The following DNASE1 variants were observed in gnomAD, a reference collection of about 807,000 sequenced individuals.
DNASE1 encodes the protein deoxyribonuclease 1.
A neutral mutation model predicts 33.9 loss-of-function variants in DNASE1; 40 were observed. That is an observed-to-expected ratio of 1.18 (90% confidence interval 0.92 to 1.54). DNASE1 has a LOEUF of 1.54. Ranked by LOEUF, DNASE1 falls within the 40% of genes most tolerant of loss-of-function variation. The pLI is 0.00. For missense variants in DNASE1, 518 were observed against 372.6 expected (o/e 1.39, Z -3.21); for synonymous variants, 216 against 160.0 (o/e 1.35, Z -2.64).
chr16:3,647,202 C>T (rs1322229209), intron 1 of DNASE1, among the ~76,000 whole-genome samples: 1 of 151,058 alleles, frequency 6.6e-6, no homozygotes, highest in Non-Finnish European at 1.5e-5. Flanking sequence ...TGTTGGATCA[C>T]ATCTGGCAGT....
exon 10 of DNASE1, chr16:3,664,363 T>A: frequency 6.2e-7 from 1 of 1,612,938 alleles, no homozygotes; most frequent in East Asian, 2.2e-5. Context: ...ATGTTGCGGG[T>A]GCCGGCCCGC....
exon 1 of DNASE1, chr16:3,611,830 C>T (rs1294539320): frequency 1.3e-5 from 2 of 152,300 alleles, no homozygotes; most frequent in Non-Finnish European, 2.9e-5. Flanking sequence ...GAGTTTAAGG[C>T]ACTGTGGCAG....
intron 1 of DNASE1, among the ~76,000 whole-genome samples, chr16:3,622,885 A>G (rs1031040339): frequency 3.3e-5 from 5 of 152,224 alleles, no homozygotes; most frequent in Admixed American, 1.3e-4. Context: ...ATGCCTTGTA[A>G]TGAACAAAGG....
chr16:3,619,069 C>G (rs1442943352), intron 1 of DNASE1, among the ~76,000 whole-genome samples: 2 of 151,704 alleles, frequency 1.3e-5, no homozygotes, highest in East Asian at 3.9e-4. Flanking sequence ...GGGTTACACT[C>G]TATCATCCAG....
Position 3,615,237 on chromosome 16 carries a change from A to T in DNASE1, c.-1359+3231A>T, listed in dbSNP as rs138483720. Among the ~76,000 whole-genome samples, 103 of 152,288 alleles carry T rather than the reference A, an allele frequency of 6.8e-4. 1 individual carries two copies. The highest frequency in any genetic ancestry group is 2.5e-3 in the African/African-American group (102 of 41,562). ...AAACACTGTAGGCTAAGTATAAGAG[A>T]GATGGCAAGAGCTGGGTCAGGGTGG... On this transcript the variant is annotated intron_variant and NMD_transcript_variant, in intron 1 of 11. Coordinates refer to the DNASE1 transcript ENST00000570769.
At chr16:3,637,972 G>A (rs78315731), upstream of DNASE1, among the ~76,000 whole-genome samples, 1 of 152,130 alleles carries the variant, frequency 6.6e-6, no homozygotes, top group African/African-American at 2.4e-5. Context: ...GTTCAGTGTT[G>A]TTTCTTGTAA....
intron 7 of DNASE1, 99 bp from the exon 8 acceptor site, chr16:3,657,621 C>T: frequency 1.3e-6 from 2 of 1,522,148 alleles, no homozygotes; most frequent in East Asian, 2.4e-5. Context: ...CACAGACCTG[C>T]ACTGGCAGGT....
chr16:3,647,829 T>A (rs1239602397), intron 1 of DNASE1, among the ~76,000 whole-genome samples: 1 of 151,976 alleles, frequency 6.6e-6, no homozygotes, highest in Admixed American at 6.6e-5. Flanking sequence ...CACAGTGAGA[T>A]CCCCACCCCA....
At chr16:3,662,132 C>A (rs202172023), downstream of DNASE1, 5 of 1,610,800 alleles carry the variant, frequency 3.1e-6, no homozygotes, top group East Asian at 1.1e-4. Flanking sequence ...CGGAGGGTCA[C>A]CTGTGAGCAA....
At chr16:3,664,144 C>T in exon 10 of DNASE1, 2 of 978,088 alleles carry the variant, frequency 2.0e-6, no homozygotes, top group Non-Finnish European at 2.9e-6. Context: ...GGCCTCTGTG[C>T]CCGTGACCCT....
At chr16:3,642,124 G>A (rs554892169), upstream of DNASE1, among the ~76,000 whole-genome samples, 8 of 152,316 alleles carry the variant, frequency 5.3e-5, no homozygotes, top group East Asian at 1.9e-4. Context: ...CCTCCTGGCC[G>A]TGGAGACAGG....
chr16:3,644,302 C>T (rs1009053783), intron 1 of DNASE1, among the ~76,000 whole-genome samples: 4 of 151,918 alleles, frequency 2.6e-5, no homozygotes, highest in Non-Finnish European at 4.4e-5. Flanking sequence ...GTGGCTGACA[C>T]CTGTAATCGC....
At chr16:3,623,377 C>T (rs2041391193) in intron 1 of DNASE1, among the ~76,000 whole-genome samples, 1 of 152,128 alleles carries the variant, frequency 6.6e-6, no homozygotes, top group South Asian at 2.1e-4. Context: ...CTCTAAAGAT[C>T]TTAGAAGAAA....
At chr16:3,620,762 T>G (rs2041278730) in intron 1 of DNASE1, among the ~76,000 whole-genome samples, 2 of 151,968 alleles carry the variant, frequency 1.3e-5, no homozygotes, top group African/African-American at 4.8e-5. Context: ...CTAAAGGGTA[T>G]GTGTGTTTTG....
intron 1 of DNASE1, among the ~76,000 whole-genome samples, chr16:3,637,718 A>C (rs1050678683): frequency 6.6e-6 from 1 of 152,216 alleles, no homozygotes; most frequent in African/African-American, 2.4e-5. Context: ...CCCCGCCAGA[A>C]GTATGAGAGG....
chr16:3,643,140 C>G (rs989196002), intron 1 of DNASE1: 4 of 153,926 alleles, frequency 2.6e-5, no homozygotes, highest in African/African-American at 9.6e-5. Context: ...GGCAGAGGAG[C>G]CAGAGAGCTG....
At chr16:3,654,469 A>G, upstream of DNASE1, 1 of 398,642 alleles carries the variant, frequency 2.5e-6, no homozygotes, top group East Asian at 3.6e-5. Context: ...CTCCATTTGC[A>G]ACTTTGGATG....
At chr16:3,632,013 C>G (rs2041715846) in intron 1 of DNASE1, among the ~76,000 whole-genome samples, 2 of 152,168 alleles carry the variant, frequency 1.3e-5, no homozygotes, top group South Asian at 2.1e-4. Context: ...TTCTTTATAG[C>G]TTCATCTCCA....
In DNASE1 at chr16:3,655,053, C is replaced by T. The variant is rs533422338; in HGVS notation, c.-2+9C>T. On this transcript the variant is annotated intron_variant, in intron 1 of 8. Coordinates refer to ENST00000246949, the MANE Select transcript of DNASE1 (RefSeq NM_005223.4). The stretch of plus-strand genomic sequence containing the variant: ...CATCACCATCATCTCAGGTGAGCAC[C>T]AGGTGGAGTGCCTCTGGGTGACTGG... 1.2e-5 allele frequency: 7 copies of T among 578,440 alleles called. No homozygotes were observed. The African/African-American group carries it at 1.3e-4, about 11-fold the overall frequency. The allele number at this position is 578,440 out of a possible 1,614,324, so 35.8% of individuals were successfully genotyped here. A position where few individuals can be genotyped will look rare whatever the true frequency, so the allele number is the denominator to read the frequency against.
Sources: gnomAD v4.1 joint callset for allele counts (sites outside exome capture counted in the v4.1 genomes callset) on GRCh38, gnomAD v4.1.1 for gene constraint, MANE v1.5 for transcripts, NCBI Gene and HGNC (gene_info 2026-07-23, HGNC 2026-07-21) for gene names.